RBM41: variants seen among roughly 807,000 people sequenced by gnomAD.
RBM41 encodes the protein RNA-binding protein 41.
In RBM41, 14 loss-of-function variants were observed where a neutral mutation model predicts 30.8. The observed-to-expected ratio is 0.45, with a 90% CI of 0.30 to 0.71. The LOEUF is 0.71. Among genes scored for constraint, RBM41 ranks in the 30% least tolerant of loss-of-function variants. The pLI, the probability that RBM41 is intolerant of heterozygous loss-of-function variation, is 0.08. For synonymous variants in RBM41, 120 were observed against 110.1 expected (o/e 1.09, Z -0.56); for missense variants, 276 against 326.3 (o/e 0.85, Z 1.19).
chrX:107,091,358 A>G (rs1462064231), intron 5 of RBM41, among the ~76,000 whole-genome samples: 1 of 112,032 alleles, frequency 8.9e-6, no homozygotes, highest in Non-Finnish European at 1.9e-5. Flanking sequence ...CCCTTAGAAT[A>G]TGGGTCCCAT....
chrX:107,072,183 A>G (rs1936088736), intron 6 of RBM41, among the ~76,000 whole-genome samples: 1 of 111,239 alleles, frequency 9.0e-6, no homozygotes, highest in Admixed American at 9.6e-5. Context: ...AGCAAAAAGG[A>G]GGAAGTCAAA....
rs1050978249 is a variant in RBM41, at chrX:107,065,160, T to G, written c.*2367A>C. 9.0e-6 allele frequency: 1 copy of G among 111,587 alleles called. No homozygotes were observed. The highest frequency in any genetic ancestry group is 3.3e-5 in the African/African-American group (1 of 30,729). The allele number at this position is 111,587 out of a possible 1,213,427, so 9.2% of individuals were successfully genotyped here. On this transcript the variant is annotated 3_prime_UTR_variant, in exon 8 of 8. Transcript: ENST00000685964. ...TTTAATCTCTTTCTATCTTCTAAAG[T>G]GTGTCTCAAATAGATGGCATGAAGT...
intron 6 of RBM41, among the ~76,000 whole-genome samples, chrX:107,077,297 A>G (rs1265641470): frequency 9.0e-6 from 1 of 110,967 alleles, no homozygotes; most frequent in African/African-American, 3.3e-5. Flanking sequence ...ACGCCCAGCT[A>G]ATTTTTTATA....
intron 1 of RBM41, among the ~76,000 whole-genome samples, chrX:107,117,140 T>C (rs763634748): frequency 2.7e-5 from 3 of 110,707 alleles, no homozygotes; most frequent in Non-Finnish European, 5.7e-5. Flanking sequence ...GAAGAGAAAA[T>C]TGGGAGATAA....
At chrX:107,113,503 G>A (rs1316745084) in intron 4 of RBM41, 35 bp from the exon 5 acceptor site, 24 of 979,687 alleles carry the variant, frequency 2.4e-5, no homozygotes, top group East Asian at 7.5e-5. Flanking sequence ...TTCAAAGATA[G>A]GAAACAGAAC....
In RBM41 at chrX:107,065,895, A is replaced by G. The variant is rs1392212821; in HGVS notation, c.*1632T>C. The G allele has an allele frequency of 9.8e-6, 6 of 610,625 alleles. No individual in the cohort carries two copies. The highest frequency in any genetic ancestry group is 2.4e-5 in the African/African-American group (1 of 42,436). 50.3% of individuals were successfully genotyped at this position (610,625 alleles called of 1,213,427 possible). A position where few individuals can be genotyped will look rare whatever the true frequency, so the allele number is the denominator to read the frequency against. ...TGCATAGATTGTTTCTGATAATTAC[A>G]TAATTATTTTTGCCTGTGCTCTTTT... On this transcript the variant is annotated 3_prime_UTR_variant, in exon 8 of 8. Transcript: ENST00000685964.
chrX:107,055,891 A>C, the RBM41 span, among the ~76,000 whole-genome samples: 3 of 112,148 alleles, frequency 2.7e-5, no homozygotes, highest in East Asian at 8.4e-4. Context: ...ATTTATCCCT[A>C]TGTTTTCATC....
chrX:107,068,800 A>G (rs770790379), intron 7 of RBM41, among the ~76,000 whole-genome samples: 1 of 112,464 alleles, frequency 8.9e-6, no homozygotes, highest in South Asian at 3.7e-4. Context: ...TGCATTAATT[A>G]ATATGCAAAT....
Position 107,076,541 on chromosome X carries a change from G to A in RBM41, c.1000-7139C>T, listed in dbSNP as rs547717278. The stretch of plus-strand genomic sequence containing the variant: ...AAAGTAGTAAAACAGAAAGTAGAAT[G>A]GTAGTCACCAGGGCTGGGGGAAGGA... On this transcript the variant is annotated intron_variant, in intron 6 of 7. Coordinates refer to ENST00000685964, the MANE Select transcript of RBM41 (RefSeq NM_001324242.2). 2.1e-4 allele frequency among the ~76,000 whole-genome samples: 23 copies of A among 110,411 alleles called. No individual in the cohort carries two copies. The South Asian group carries it at 8.9e-3, about 43-fold the overall frequency.
downstream of RBM41, among the ~76,000 whole-genome samples, chrX:107,056,890 T>G (rs1187942016): frequency 1.2e-4 from 11 of 93,695 alleles, no homozygotes; most frequent in Admixed American, 6.1e-4. Flanking sequence ...CTTTTTTTTT[T>G]TGGGGGGGGC....
In RBM41 at chrX:107,066,585, T is replaced by G; in HGVS notation, c.*942A>C. ...ATCCTCACTTTATAGATGAAAAATG[T>G]GAGGCTCAGATTAAGTGACTTGCCA... is the stretch of plus-strand genomic sequence containing the variant. On this transcript the variant is annotated 3_prime_UTR_variant, in exon 8 of 8. Transcript: ENST00000685964. 1 of 352,109 alleles carries G rather than the reference T, an allele frequency of 2.8e-6. No homozygotes were observed. The highest frequency in any genetic ancestry group is 3.7e-6 in the Non-Finnish European group (1 of 272,816). The allele number at this position is 352,109 out of a possible 1,213,427, so 29.0% of individuals were successfully genotyped here. A position where few individuals can be genotyped will look rare whatever the true frequency, so the allele number is the denominator to read the frequency against.
intron 5 of RBM41, among the ~76,000 whole-genome samples, chrX:107,096,351 T>C (rs1398040240): frequency 8.9e-6 from 1 of 112,232 alleles, no homozygotes; most frequent in Non-Finnish European, 1.9e-5. Flanking sequence ...GGAGTCATAC[T>C]ACCCAATTTC....
chrX:107,094,284 T>C (rs914825811), intron 5 of RBM41, among the ~76,000 whole-genome samples: 1 of 112,149 alleles, frequency 8.9e-6, no homozygotes, highest in African/African-American at 3.2e-5. Context: ...ATATTCCTCA[T>C]GAATATAGAT....
chrX:107,074,417 T>C (rs186547795), intron 6 of RBM41, among the ~76,000 whole-genome samples: 73 of 111,875 alleles, frequency 6.5e-4, no homozygotes, highest in African/African-American at 2.3e-3. Context: ...ACAGTTCAAA[T>C]AGCTTTCATG....
At chrX:107,089,741 T>C (rs979547680) in intron 5 of RBM41, among the ~76,000 whole-genome samples, 5 of 111,533 alleles carry the variant, frequency 4.5e-5, no homozygotes, top group Non-Finnish European at 9.4e-5. Context: ...TAACGTTTGG[T>C]GGTCCTATTT....
chrX:107,098,541 C>A (rs1923179397), intron 5 of RBM41, among the ~76,000 whole-genome samples: 2 of 111,250 alleles, frequency 1.8e-5, no homozygotes, highest in South Asian at 7.6e-4. Flanking sequence ...CCTGATATTG[C>A]AACACAATAA....
intron 5 of RBM41, among the ~76,000 whole-genome samples, chrX:107,101,322 C>G (rs1923441995): frequency 9.0e-6 from 1 of 111,554 alleles, no homozygotes; most frequent in East Asian, 2.8e-4. Flanking sequence ...GAGAGGTGAA[C>G]AAGCGGCAAC....
intron 6 of RBM41, among the ~76,000 whole-genome samples, chrX:107,074,329 C>T (rs1020623963): frequency 9.0e-6 from 1 of 110,881 alleles, no homozygotes; most frequent in Non-Finnish European, 1.9e-5. Context: ...ATCAAGACAT[C>T]GATTTTTCTC....
intron 6 of RBM41, among the ~76,000 whole-genome samples, chrX:107,077,461 G>A (rs779433051): frequency 2.3e-4 from 25 of 110,225 alleles, no homozygotes; most frequent in Admixed American, 6.8e-4. Context: ...AAATAAAGAG[G>A]ACTTCTGGTT....
Sources: allele counts gnomAD v4.1 joint callset (sites outside exome capture counted in the v4.1 genomes callset), GRCh38; gene constraint gnomAD v4.1.1; transcripts MANE v1.5; gene names NCBI Gene and HGNC (gene_info 2026-07-23, HGNC 2026-07-21).